ITIH5: variants seen among roughly 807,000 people sequenced by gnomAD.
The protein encoded by ITIH5 is inter-alpha-trypsin inhibitor heavy chain H5.
ITIH5 carries 65 observed loss-of-function variants against 77.5 expected under a neutral mutation model. That is an observed-to-expected ratio of 0.84 (90% CI 0.69 to 1.03). The LOEUF (loss-of-function observed/expected upper bound fraction) is 1.03. Ranked by LOEUF, ITIH5 falls within the 50% of genes least tolerant of loss-of-function variation. The pLI is 0.00. For synonymous variants in ITIH5, 525 were observed against 494.3 expected (o/e 1.06, Z -0.82); for missense variants, 1,208 against 1,213.1 (o/e 1.00, Z 0.06).
intron 12 of ITIH5, among the ~76,000 whole-genome samples, chr10:7,567,811 T>C (rs965387416): frequency 9.9e-5 from 15 of 152,170 alleles, no homozygotes; most frequent in African/African-American, 3.4e-4. Context: ...GAGGTGGAGA[T>C]TGCAGTGAGC....
intron 7 of ITIH5, 92 bp downstream of exon 7, chr10:7,615,890 C>A: frequency 1.3e-6 from 1 of 778,648 alleles, no homozygotes; most frequent in East Asian, 2.5e-5. Context: ...GTAAAGCTGA[C>A]GTTTGGCATC....
intron 4 of ITIH5, among the ~76,000 whole-genome samples, chr10:7,639,185 A>G (rs1311656582): frequency 6.6e-6 from 1 of 152,232 alleles, no homozygotes; most frequent in African/African-American, 2.4e-5. Context: ...AGGCACGATG[A>G]GGCAACTCAT....
At chr10:7,664,118 G>A (rs575611366) in intron 1 of ITIH5, among the ~76,000 whole-genome samples, 2 of 152,222 alleles carry the variant, frequency 1.3e-5, no homozygotes, top group Admixed American at 6.5e-5. Context: ...CAAAGTGTGC[G>A]GCTAGGCACA....
chr10:7,615,802 C>G (rs578239507), intron 7 of ITIH5, among the ~76,000 whole-genome samples, 180 bp downstream of exon 7: 14 of 152,200 alleles, frequency 9.2e-5, no homozygotes, highest in Non-Finnish European at 5.9e-5. Context: ...AAAACCACCA[C>G]GCTGAAATAC....
intron 7 of ITIH5, among the ~76,000 whole-genome samples, chr10:7,612,482 A>T (rs1211633152): frequency 6.6e-6 from 1 of 152,184 alleles, no homozygotes; most frequent in Admixed American, 6.5e-5. Flanking sequence ...GTTTTTAAAG[A>T]ATATTTAATG....
intron 7 of ITIH5, among the ~76,000 whole-genome samples, chr10:7,610,860 G>A (rs1024422650): frequency 6.6e-6 from 1 of 152,240 alleles, no homozygotes; most frequent in Non-Finnish European, 1.5e-5. Context: ...AAGCTTCGAA[G>A]CCAGCAGAGT....
chr10:7,651,476 G>A (rs887205502), intron 2 of ITIH5, among the ~76,000 whole-genome samples: 1 of 151,876 alleles, frequency 6.6e-6, no homozygotes, highest in Non-Finnish European at 1.5e-5. Flanking sequence ...CCAGGTACTC[G>A]GGAGGCCTCT....
At position 7,561,701 on chromosome 10, in the gene ITIH5, A is replaced by T. The variant is rs1363223029; in HGVS notation, c.*1382T>A. 1.3e-5 allele frequency: 2 copies of T among 152,208 alleles called. No individual in the cohort carries two copies. Among genetic ancestry groups the T allele is most frequent in the South Asian group, 4.1e-4 (2 of 4,830 alleles). 9.4% of individuals were successfully genotyped at this position (152,208 alleles called of 1,614,324 possible). A position where few individuals can be genotyped will look rare whatever the true frequency, so the allele number is the denominator to read the frequency against. On this transcript the variant is annotated 3_prime_UTR_variant, in exon 14 of 14. Coordinates refer to ENST00000397146, the MANE Select transcript of ITIH5 (RefSeq NM_030569.7). ...TGTTTCCCCAGGGAAGGCAAACATG[A>T]TAAAGAATTTTCTTAACTCAGCTTT...
intron 13 of ITIH5, among the ~76,000 whole-genome samples, chr10:7,565,663 T>C (rs1386284300): frequency 2.0e-5 from 3 of 148,752 alleles, no homozygotes; most frequent in South Asian, 2.1e-4. Context: ...TACACACACA[T>C]ACATATACAG....
chr10:7,630,242 A>G (rs1472760911), intron 5 of ITIH5, among the ~76,000 whole-genome samples: 1 of 152,202 alleles, frequency 6.6e-6, no homozygotes, highest in Non-Finnish European at 1.5e-5. Flanking sequence ...TACCTAGCAT[A>G]GGTGCTCTGT....
chr10:7,561,321 G>C lies in ITIH5; in HGVS notation c.*1762C>G, dbSNP rs980156414. The C allele has an allele frequency of 2.6e-5, 4 of 152,222 alleles. No individual in the cohort carries two copies. The highest frequency in any genetic ancestry group is 9.7e-5 in the African/African-American group (4 of 41,440). The allele number at this position is 152,222 out of a possible 1,614,324, so 9.4% of individuals were successfully genotyped here. ...ATCACTGCTCCAAGTGCTCCACAGG[G>C]GACAGGGCCACCTGGCTCCAGGGCT... On this transcript the variant is annotated 3_prime_UTR_variant, in exon 14 of 14. Transcript: ENST00000397146.
chr10:7,631,853 C>A (rs1833718528), intron 5 of ITIH5, among the ~76,000 whole-genome samples: 1 of 150,230 alleles, frequency 6.7e-6, no homozygotes, highest in Non-Finnish European at 1.5e-5. Context: ...ATGGCAAAAT[C>A]TCAGCTCGCT....
chr10:7,661,889 T>A (rs1834282124), intron 1 of ITIH5, among the ~76,000 whole-genome samples: 1 of 152,088 alleles, frequency 6.6e-6, no homozygotes, highest in Admixed American at 6.6e-5. Context: ...TTAGTAGACA[T>A]GGGGTTTCAA....
At chr10:7,570,845 C>T (rs1832282688) in intron 11 of ITIH5, among the ~76,000 whole-genome samples, 1 of 152,152 alleles carries the variant, frequency 6.6e-6, no homozygotes, top group Non-Finnish European at 1.5e-5. Context: ...TGGTCTCAAA[C>T]TCCTGGGCTC....
chr10:7,652,112 C>T (rs1834110456), intron 2 of ITIH5, among the ~76,000 whole-genome samples: 1 of 152,166 alleles, frequency 6.6e-6, no homozygotes, highest in African/African-American at 2.4e-5. Context: ...TGGAAATTCA[C>T]ACACAAAGAT....
intron 13 of ITIH5, among the ~76,000 whole-genome samples, chr10:7,565,081 T>TACACAC (rs1332910600): frequency 1.4e-3 from 208 of 146,364 alleles, no homozygotes; most frequent in African/African-American, 5.0e-3. Flanking sequence ...TATATATATA[T>TACACAC]ATACACACAC....
chr10:7,627,030 A>T (rs1393118405), intron 5 of ITIH5, among the ~76,000 whole-genome samples: 1 of 152,200 alleles, frequency 6.6e-6, no homozygotes, highest in East Asian at 1.9e-4. Flanking sequence ...CACCCATTCT[A>T]TGCCAGGTGC....
chr10:7,563,369 T>C lies in ITIH5; in HGVS notation c.2543A>G (p.Gln848Arg), dbSNP rs1832076978. The C allele has an allele frequency of 1.2e-6, 2 of 1,612,674 alleles. No individual in the cohort carries two copies. Among genetic ancestry groups the C allele is most frequent in the Non-Finnish European group, 1.7e-6 (2 of 1,178,942 alleles). The change falls in exon 14 of 14, where the codon CAG becomes CGG. Residue 848 changes from glutamine to arginine, a missense_variant. By Grantham distance (43) the Gln-to-Arg change is conservative (BLOSUM62 1). Coordinates refer to ENST00000397146, the MANE Select transcript of ITIH5 (RefSeq NM_030569.7). ...AGGGTCTTCTGTGAGTCTGGCATCC[T>C]GATTCAGGAACTGACCTGGGAGGAC... ...CHGLLGQFLN[Q>R]DARLTEDPAG...
chr10:7,610,342 G>T (rs2131024164), intron 7 of ITIH5, among the ~76,000 whole-genome samples: 1 of 152,238 alleles, frequency 6.6e-6, no homozygotes, highest in African/African-American at 2.4e-5. Flanking sequence ...GAGGCACACA[G>T]CTTTGGGGGC....
Sources: gnomAD v4.1 joint callset for allele counts (sites outside exome capture counted in the v4.1 genomes callset) on GRCh38, gnomAD v4.1.1 for gene constraint, MANE v1.5 for transcripts, NCBI Gene and HGNC (gene_info 2026-07-23, HGNC 2026-07-21) for gene names.